FILIP1L: variants seen among roughly 807,000 people sequenced by gnomAD.
The protein encoded by FILIP1L is filamin A interacting protein 1 like, also known as filamin A-interacting protein 1-like.
In FILIP1L, 55 loss-of-function variants were observed where a neutral mutation model predicts 96.6. The observed-to-expected ratio is 0.57, with a 90% CI of 0.46 to 0.71. The LOEUF (loss-of-function observed/expected upper bound fraction) is 0.71. Among genes scored for constraint, FILIP1L ranks in the 30% least tolerant of loss-of-function variants. The pLI, the probability that FILIP1L is intolerant of heterozygous loss-of-function variation, is 0.00. For synonymous variants in FILIP1L, 467 were observed against 473.9 expected, an observed-to-expected ratio of 0.99 and a Z score of 0.19; for missense variants, 1,304 against 1,321.2, an observed-to-expected ratio of 0.99 and a Z score of 0.20.
At chr3:100,084,208 G>T (rs1356278288) in intron 1 of FILIP1L, among the ~76,000 whole-genome samples, 1 of 152,078 alleles carries the variant, frequency 6.6e-6, no homozygotes, top group African/African-American at 2.4e-5. Flanking sequence ...GTTATTTCAT[G>T]TACATGTTTA....
At chr3:99,953,189 C>T (rs190044351) in intron 1 of FILIP1L, among the ~76,000 whole-genome samples, 3 of 152,250 alleles carry the variant, frequency 2.0e-5, no homozygotes, top group Admixed American at 2.0e-4. Flanking sequence ...TCATTTTCTA[C>T]TTCCTCTGTG....
At chr3:99,989,268 T>C (rs563400173) in intron 1 of FILIP1L, among the ~76,000 whole-genome samples, 2 of 152,348 alleles carry the variant, frequency 1.3e-5, no homozygotes, top group East Asian at 3.9e-4. Context: ...TGCTCTGGTC[T>C]GAGTTCTGCT....
At chr3:99,931,822 A>G (rs2107664149) in intron 1 of FILIP1L, among the ~76,000 whole-genome samples, 2 of 152,338 alleles carry the variant, frequency 1.3e-5, no homozygotes, top group South Asian at 4.1e-4. Flanking sequence ...AATCATCCAA[A>G]TGAATTTATA....
chr3:100,022,999 G>C (rs1027056346), intron 1 of FILIP1L, among the ~76,000 whole-genome samples: 1 of 152,074 alleles, frequency 6.6e-6, no homozygotes, highest in African/African-American at 2.4e-5. Context: ...TGACATTTTT[G>C]CCTGCTGTTA....
At chr3:99,840,139 C>T (rs1012479417) in intron 5 of FILIP1L, among the ~76,000 whole-genome samples, 13 of 151,770 alleles carry the variant, frequency 8.6e-5, no homozygotes, top group African/African-American at 2.7e-4. Flanking sequence ...CAGGCCAAAA[C>T]CATTAATAGT....
chr3:99,987,238 A>G lies in FILIP1L; in HGVS notation c.-10-56208T>C, dbSNP rs117387288. Among the ~76,000 whole-genome samples the G allele has an allele frequency of 3.2e-3, 470 of 148,132 alleles. 11 individuals carry two copies. The East Asian group carries it at 0.06, about 19-fold the overall frequency. On this transcript the variant is annotated intron_variant, in intron 1 of 5. Coordinates refer to ENST00000477258, the MANE Select transcript of FILIP1L (RefSeq NM_001387850.1). ...AGTAAGACCCTGTCTCTTAAGGGGA[A>G]AAAAAAAAGGCCAGGCACAGTGGCT...
chr3:100,036,957 A>C (rs1214916542), intron 1 of FILIP1L, among the ~76,000 whole-genome samples: 1 of 152,210 alleles, frequency 6.6e-6, no homozygotes, highest in East Asian at 1.9e-4. Flanking sequence ...CTAAACTAAA[A>C]GATACTCTTC....
intron 1 of FILIP1L, among the ~76,000 whole-genome samples, chr3:100,045,473 G>A (rs980608102): frequency 6.6e-6 from 1 of 152,006 alleles, no homozygotes; most frequent in African/African-American, 2.4e-5. Flanking sequence ...TTGTGCTGCT[G>A]TGTTAGAATT....
chr3:99,958,025 ATATAAAGGC>A (rs1461581892), intron 1 of FILIP1L, among the ~76,000 whole-genome samples: 2 of 148,878 alleles, frequency 1.3e-5, no homozygotes, highest in African/African-American at 4.9e-5. Flanking sequence ...TCATATGTTT[ATATAAAGGC>A]TCAATGGGCT....
chr3:100,095,592 A>G (rs2066191591), intron 1 of FILIP1L, among the ~76,000 whole-genome samples: 1 of 152,160 alleles, frequency 6.6e-6, no homozygotes, highest in Admixed American at 6.5e-5. Context: ...CTTGACCCCT[A>G]TCTCTTGCCT....
At position 99,983,462 on chromosome 3, in the gene FILIP1L, GTGTATATATATATA is replaced by G. The variant is rs1310066503; in HGVS notation, c.-10-52446_-10-52433del. 6.8e-3 allele frequency among the ~76,000 whole-genome samples: 81 copies of G among 11,980 alleles called. 1 individual carries two copies. The highest frequency in any genetic ancestry group is 0.12 in the Middle Eastern group (2 of 16). The allele number at this position is 11,980 out of a possible 152,430, so 7.9% of individuals were successfully genotyped here. A position where few individuals can be genotyped will look rare whatever the true frequency, so the allele number is the denominator to read the frequency against. ...TATATGTATGTATATATATATATGT[GTGTATATATATATA>G]TATATATATATATATATATATATAT... On this transcript the variant is annotated intron_variant, in intron 1 of 5. Coordinates refer to ENST00000477258, the MANE Select transcript of FILIP1L (RefSeq NM_001387850.1).
chr3:99,991,415 A>G (rs1486988014), intron 1 of FILIP1L, among the ~76,000 whole-genome samples: 1 of 152,004 alleles, frequency 6.6e-6, no homozygotes, highest in African/African-American at 2.4e-5. Flanking sequence ...ATATGAAGTG[A>G]TTTTATAATT....
chr3:99,833,290 A>C, intron 5 of FILIP1L: 6 of 1,580,624 alleles, frequency 3.8e-6, no homozygotes, highest in Non-Finnish European at 5.2e-6. Context: ...AAGAGGAGTA[A>C]ATTTGTGGAA....
intron 1 of FILIP1L, among the ~76,000 whole-genome samples, chr3:99,949,039 C>T (rs1362747095): frequency 6.6e-6 from 1 of 152,148 alleles, no homozygotes; most frequent in Non-Finnish European, 1.5e-5. Context: ...TCCTAGCATA[C>T]AGCTGTTAGT....
Position 99,880,979 on chromosome 3 carries a change from C to T in FILIP1L, c.606-29909G>A, listed in dbSNP as rs147586009. ...CTGTAGACATTGGGCTATTTAAAAG[C>T]GCATGTTTACATATTCTCCCTAGCA... On this transcript the variant is annotated intron_variant, in intron 4 of 5. Coordinates refer to ENST00000477258, the MANE Select transcript of FILIP1L (RefSeq NM_001387850.1). 9.9e-5 allele frequency among the ~76,000 whole-genome samples: 15 copies of T among 152,072 alleles called. No individual in the cohort carries two copies. In the East Asian group the frequency reaches 1.5e-3, roughly 16 times the overall value.
chr3:99,864,645 T>C (rs1944422029), intron 4 of FILIP1L, among the ~76,000 whole-genome samples: 1 of 152,084 alleles, frequency 6.6e-6, no homozygotes, highest in Admixed American at 6.5e-5. Flanking sequence ...ATTCCCATGC[T>C]TTCTGCTCCA....
Position 99,926,625 on chromosome 3 carries a change from T to C in FILIP1L, c.427-2217A>G, listed in dbSNP as rs185467273. ...CACAAGATTGACATTAGAATTAATG[T>C]ATGAATAATTATAGTAGGTATTCAG... On this transcript the variant is annotated intron_variant, in intron 3 of 5. Coordinates refer to ENST00000477258, the MANE Select transcript of FILIP1L (RefSeq NM_001387850.1). Among the ~76,000 whole-genome samples, 576 of 152,360 alleles carry C rather than the reference T, an allele frequency of 3.8e-3. 3 individuals carry two copies. Among genetic ancestry groups the C allele is most frequent in the African/African-American group, 0.013 (548 of 41,570 alleles).
At chr3:99,926,507 C>T (rs192805401) in intron 3 of FILIP1L, among the ~76,000 whole-genome samples, 49 of 152,224 alleles carry the variant, frequency 3.2e-4, no homozygotes, top group African/African-American at 1.2e-3. Flanking sequence ...CAAATCAACT[C>T]CTTTTGCAAT....
intron 1 of FILIP1L, among the ~76,000 whole-genome samples, chr3:99,962,913 G>C (rs1469045926): frequency 6.6e-6 from 1 of 152,190 alleles, no homozygotes; most frequent in African/African-American, 2.4e-5. Context: ...TCACTGGAAT[G>C]TTCATGGCCG....
Sources: gnomAD v4.1 joint callset for allele counts (sites outside exome capture counted in the v4.1 genomes callset) on GRCh38, gnomAD v4.1.1 for gene constraint, MANE v1.5 for transcripts, NCBI Gene and HGNC (gene_info 2026-07-23, HGNC 2026-07-21) for gene names.